The following SIX1 variants were observed in gnomAD, a reference collection of about 807,000 sequenced individuals.
SIX1 encodes the protein homeobox protein SIX1.
A neutral mutation model predicts 26.5 loss-of-function variants in SIX1; 11 were observed. That is an observed-to-expected ratio of 0.41 (90% confidence interval 0.26 to 0.69). The LOEUF (loss-of-function observed/expected upper bound fraction) is 0.69, where lower values mean the gene tolerates loss of function less well. SIX1 is among the 30% of genes least tolerant of loss of function. The pLI is 0.28. For synonymous variants in SIX1, 177 were observed against 166.2 expected (o/e 1.06, Z -0.50); for missense variants, 333 against 365.9 (o/e 0.91, Z 0.73).
chr14:60,649,388 A>G lies in SIX1; in HGVS notation c.-199T>C, dbSNP rs1015170875. ...GGCGGAGGAGTAGGGGAGGTTCTGG[A>G]CACGGAACGGCCGGCGCACTCAGTA... On this transcript the variant is annotated 5_prime_UTR_variant, in exon 1 of 2. Coordinates refer to ENST00000645694, the MANE Select transcript of SIX1 (RefSeq NM_005982.4). The surrounding 1 kb of genome is among the most constrained non-coding windows in gnomAD (Gnocchi z 5.1). 1.7e-6 allele frequency: 1 copy of G among 584,800 alleles called. No homozygotes were observed. Among genetic ancestry groups the G allele is most frequent in the African/African-American group, 1.9e-5 (1 of 52,852 alleles). The allele number at this position is 584,800 out of a possible 1,614,324, so 36.2% of individuals were successfully genotyped here.
rs76366219 is a variant in SIX1, at chr14:60,646,721, G to A, written c.561-144C>T. Reference sequence around the variant, plus strand: ...ATCTGTCACCAACCCAAATGGAGGAGCTCTACCCTTCCACCCATCCCCAAG... The same window carrying A: ...ATCTGTCACCAACCCAAATGGAGGAACTCTACCCTTCCACCCATCCCCAAG... On this transcript the variant is annotated intron_variant, in intron 1 of 1. Coordinates refer to ENST00000645694, the MANE Select transcript of SIX1 (RefSeq NM_005982.4). 354 of 732,680 alleles carry A rather than the reference G, an allele frequency of 4.8e-4. No homozygotes were observed. In the African/African-American group the frequency reaches 5.6e-3, roughly 12 times the overall value. The allele number at this position is 732,680 out of a possible 1,614,324, so 45.4% of individuals were successfully genotyped here.
Position 60,648,740 on chromosome 14 carries a change from C to G in SIX1, c.450G>C (p.Ser150=). The change falls in exon 1 of 2, where the codon TCG becomes TCC. Residue 150 remains serine, a synonymous_variant. Coordinates refer to ENST00000645694, the MANE Select transcript of SIX1 (RefSeq NM_005982.4). This position sits in a 1 kb window ranked among gnomAD's most constrained non-coding sequence, Gnocchi z 7.9. Reference sequence around the variant, plus strand: ...CGGCCAGCTCCCGCTTCTCACGCGGCGATGGGTAGGGATTGTGCGCGTACC... The same window carrying G: ...CGGCCAGCTCCCGCTTCTCACGCGGGGATGGGTAGGGATTGTGCGCGTACC... ...REWYAHNPYP[S]PREKRELAEA... 2 of 1,613,510 alleles carry G rather than the reference C, an allele frequency of 1.2e-6. No homozygotes were observed. Among genetic ancestry groups the G allele is most frequent in the Non-Finnish European group, 1.7e-6 (2 of 1,179,510 alleles).
Position 60,645,844 on chromosome 14 carries a change from T to C in SIX1, c.*439A>G, listed in dbSNP as rs1894928955. 6.5e-6 allele frequency: 1 copy of C among 153,392 alleles called. No homozygotes were observed. Among genetic ancestry groups the C allele is most frequent in the Non-Finnish European group, 1.4e-5 (1 of 68,988 alleles). The allele number at this position is 153,392 out of a possible 1,614,324, so 9.5% of individuals were successfully genotyped here. A position where few individuals can be genotyped will look rare whatever the true frequency, so the allele number is the denominator to read the frequency against. ...CTATTTTTATCTCCCTTTCTCTTTCTCTTTCCATTTCCTTTCCCTCTTCAC... is the reference window on the plus strand; with the variant it reads ...CTATTTTTATCTCCCTTTCTCTTTCCCTTTCCATTTCCTTTCCCTCTTCAC... On this transcript the variant is annotated 3_prime_UTR_variant, in exon 2 of 2. Transcript: ENST00000645694. This position sits in a 1 kb window ranked among gnomAD's most constrained non-coding sequence, Gnocchi z 4.6.
In SIX1 at chr14:60,644,321, C is replaced by A. The variant is rs2140238226; in HGVS notation, c.*1962G>T. On this transcript the variant is annotated 3_prime_UTR_variant, in exon 2 of 2. Transcript: ENST00000645694. ...CTTAAATAAACACCGACTTAATGAT[C>A]CAAAACACTAACAAGGGAGATTGGG... The A allele has an allele frequency of 6.6e-6, 1 of 152,218 alleles. No homozygotes were observed. 9.4% of individuals were successfully genotyped at this position (152,218 alleles called of 1,614,324 possible). A position where few individuals can be genotyped will look rare whatever the true frequency, so the allele number is the denominator to read the frequency against.
chr14:60,648,773 C>T lies in SIX1; in HGVS notation c.417G>A (p.Leu139=). 6.2e-7 allele frequency: 1 copy of T among 1,614,166 alleles called. No homozygotes were observed. Among genetic ancestry groups the T allele is most frequent in the Non-Finnish European group, 8.5e-7 (1 of 1,179,992 alleles). ...YCFKEKSRGV[L]REWYAHNPYP... The stretch of plus-strand genomic sequence containing the variant: ...AGGGATTGTGCGCGTACCACTCCCG[C>T]AGGACACCCCTCGACTTCTCCTTGA... The change falls in exon 1 of 2, where the codon CTG becomes CTA. Residue 139 remains leucine (L), a synonymous_variant. Transcript: ENST00000645694. This position sits in a 1 kb window ranked among gnomAD's most constrained non-coding sequence, Gnocchi z 7.9.
rs1179707997 is a variant in SIX1, at chr14:60,645,494, T to C, written c.*789A>G. 6.9e-6 allele frequency: 1 copy of C among 145,162 alleles called. No homozygotes were observed. The highest frequency in any genetic ancestry group is 2.5e-5 in the African/African-American group (1 of 39,420). 9.0% of individuals were successfully genotyped at this position (145,162 alleles called of 1,614,324 possible). The stretch of plus-strand genomic sequence containing the variant: ...TCAGGAAAGTGTTTTTTCACATTGG[T>C]ACATTTTTAGAGTTTGTCATTTAAA... On this transcript the variant is annotated 3_prime_UTR_variant, in exon 2 of 2. Coordinates refer to ENST00000645694, the MANE Select transcript of SIX1 (RefSeq NM_005982.4). This position sits in a 1 kb window ranked among gnomAD's most constrained non-coding sequence, Gnocchi z 4.6.
chr14:60,646,669 C>G, intron 1 of SIX1, 92 bp from the exon 2 acceptor site: 1 of 1,114,456 alleles, frequency 9.0e-7, no homozygotes, highest in Non-Finnish European at 1.3e-6. Context: ...GGGAGGGGAG[C>G]TGGAAGGAGG....
rs915153531 is a variant in SIX1 at position 60,645,270 on chromosome 14, T to G, written c.*1013A>C. On this transcript the variant is annotated 3_prime_UTR_variant, in exon 2 of 2. Transcript: ENST00000645694. The surrounding 1 kb of genome is among the most constrained non-coding windows in gnomAD (Gnocchi z 4.6). ...CCTTTCAGAAACAGAATCATACTCCTGGTGTTCTACTAAGTTTTAATTTAG... is the reference window on the plus strand; with the variant it reads ...CCTTTCAGAAACAGAATCATACTCCGGGTGTTCTACTAAGTTTTAATTTAG... 1 of 151,910 alleles carries G rather than the reference T, an allele frequency of 6.6e-6. No homozygotes were observed. Among genetic ancestry groups the G allele is most frequent in the Non-Finnish European group, 1.5e-5 (1 of 67,946 alleles). The allele number at this position is 151,910 out of a possible 1,614,324, so 9.4% of individuals were successfully genotyped here.
rs1458693459 is a variant in SIX1 at position 60,645,637 on chromosome 14, T to C, written c.*646A>G. ...CTCACATAGAGAGCATTAAGACATTTAGGCACTTGTTTTTTCCTCCTAATA... is the reference window on the plus strand; with the variant it reads ...CTCACATAGAGAGCATTAAGACATTCAGGCACTTGTTTTTTCCTCCTAATA... On this transcript the variant is annotated 3_prime_UTR_variant, in exon 2 of 2. Coordinates refer to ENST00000645694, the MANE Select transcript of SIX1 (RefSeq NM_005982.4). The surrounding 1 kb of genome is among the most constrained non-coding windows in gnomAD (Gnocchi z 4.6). The C allele has an allele frequency of 6.6e-6, 1 of 152,214 alleles. No homozygotes were observed. The allele number at this position is 152,214 out of a possible 1,614,324, so 9.4% of individuals were successfully genotyped here. A position where few individuals can be genotyped will look rare whatever the true frequency, so the allele number is the denominator to read the frequency against.
rs1320620604 is a variant in SIX1, at chr14:60,645,239, C to CA, written c.*1043dup. 3 of 151,516 alleles carry CA rather than the reference C, an allele frequency of 2.0e-5. No homozygotes were observed. The highest frequency in any genetic ancestry group is 4.4e-5 in the Non-Finnish European group (3 of 67,902). 9.4% of individuals were successfully genotyped at this position (151,516 alleles called of 1,614,324 possible). A position where few individuals can be genotyped will look rare whatever the true frequency, so the allele number is the denominator to read the frequency against. ...ATAGGGCCCAATGACAGCAATACAC[C>CA]ACTCACCTTTCAGAAACAGAATCAT... On this transcript the variant is annotated 3_prime_UTR_variant, in exon 2 of 2. Transcript: ENST00000645694. This position sits in a 1 kb window ranked among gnomAD's most constrained non-coding sequence, Gnocchi z 4.6.
rs1245175426 is a variant in SIX1 at position 60,649,306 on chromosome 14, C to T, written c.-117G>A. 2.2e-6 allele frequency: 2 copies of T among 905,238 alleles called. No homozygotes were observed. Among genetic ancestry groups the T allele is most frequent in the Non-Finnish European group, 3.3e-6 (2 of 602,664 alleles). 56.1% of individuals were successfully genotyped at this position (905,238 alleles called of 1,614,324 possible). ...GGCTGTTCCTAACCTCCTCCTTAGG[C>T]TTTGCAAAGGCGAAAACCGGAGTCG... is the stretch of plus-strand genomic sequence containing the variant. On this transcript the variant is annotated 5_prime_UTR_variant, in exon 1 of 2. Coordinates refer to ENST00000645694, the MANE Select transcript of SIX1 (RefSeq NM_005982.4). The surrounding 1 kb of genome is among the most constrained non-coding windows in gnomAD (Gnocchi z 5.1).
At position 60,643,425 on chromosome 14, in the gene SIX1, T is replaced by TTG. The variant is rs980830051; in HGVS notation, c.*2857_*2858insCA. The stretch of plus-strand genomic sequence containing the variant: ...AAAATAAACATCACTCGAGTGTTTT[T>TTG]TTTTTTTTTCATTTCACTTGGCACA... On this transcript the variant is annotated 3_prime_UTR_variant, in exon 2 of 2. Transcript: ENST00000645694. The TTG allele has an allele frequency of 2.0e-5, 3 of 151,472 alleles. No homozygotes were observed. Among genetic ancestry groups the TTG allele is most frequent in the African/African-American group, 7.3e-5 (3 of 41,216 alleles). 9.4% of individuals were successfully genotyped at this position (151,472 alleles called of 1,614,324 possible). A position where few individuals can be genotyped will look rare whatever the true frequency, so the allele number is the denominator to read the frequency against.
At position 60,649,395 on chromosome 14, in the gene SIX1, A is replaced by C. The variant is rs1895020676; in HGVS notation, c.-206T>G. 3.5e-6 allele frequency: 2 copies of C among 577,516 alleles called. No individual in the cohort carries two copies. Among genetic ancestry groups the C allele is most frequent in the African/African-American group, 3.8e-5 (2 of 52,488 alleles). 35.8% of individuals were successfully genotyped at this position (577,516 alleles called of 1,614,324 possible). On this transcript the variant is annotated 5_prime_UTR_variant, in exon 1 of 2. Transcript: ENST00000645694. This position sits in a 1 kb window ranked among gnomAD's most constrained non-coding sequence, Gnocchi z 5.1. Reference sequence around the variant, plus strand: ...GAGTAGGGGAGGTTCTGGACACGGAACGGCCGGCGCACTCAGTAGCCTTTA... The same window carrying C: ...GAGTAGGGGAGGTTCTGGACACGGACCGGCCGGCGCACTCAGTAGCCTTTA...
Position 60,648,600 on chromosome 14 carries a change from C to T in SIX1, c.560+30G>A, listed in dbSNP as rs779883227. Reference sequence around the variant, plus strand: ...AGGAGAAAGGACGGCTTCCTAGGGTCGCCCGAGTCGCGGGAAGCACGCCGC... The same window carrying T: ...AGGAGAAAGGACGGCTTCCTAGGGTTGCCCGAGTCGCGGGAAGCACGCCGC... On this transcript the variant is annotated intron_variant, in intron 1 of 1. Coordinates refer to ENST00000645694, the MANE Select transcript of SIX1 (RefSeq NM_005982.4). This position sits in a 1 kb window ranked among gnomAD's most constrained non-coding sequence, Gnocchi z 7.9. 1.3e-6 allele frequency: 2 copies of T among 1,584,640 alleles called. No homozygotes were observed. Among genetic ancestry groups the T allele is most frequent in the Non-Finnish European group, 8.6e-7 (1 of 1,164,444 alleles).
rs993212930 is a variant in SIX1, at chr14:60,648,398, C to G, written c.560+232G>C. On this transcript the variant is annotated intron_variant, in intron 1 of 1. Coordinates refer to ENST00000645694, the MANE Select transcript of SIX1 (RefSeq NM_005982.4). This position sits in a 1 kb window ranked among gnomAD's most constrained non-coding sequence, Gnocchi z 7.9. ...CCAATATTTCCCGACACTCACATCC[C>G]AGAGAAACCCACGCGCGGGTGCTCA... 3.9e-5 allele frequency among the ~76,000 whole-genome samples: 6 copies of G among 152,198 alleles called. No homozygotes were observed. Among genetic ancestry groups the G allele is most frequent in the Non-Finnish European group, 7.3e-5 (5 of 68,030 alleles).
rs1379408797 is a variant in SIX1 at position 60,645,479 on chromosome 14, G to A, written c.*804C>T. On this transcript the variant is annotated 3_prime_UTR_variant, in exon 2 of 2. Transcript: ENST00000645694. This position sits in a 1 kb window ranked among gnomAD's most constrained non-coding sequence, Gnocchi z 4.6. ...CATGAGTAATGGCATTCAGGAAAGT[G>A]TTTTTTCACATTGGTACATTTTTAG... 25 of 150,276 alleles carry A rather than the reference G, an allele frequency of 1.7e-4. No individual in the cohort carries two copies. The highest frequency in any genetic ancestry group is 1.7e-3 in the Admixed American group (25 of 15,044). The allele number at this position is 150,276 out of a possible 1,614,324, so 9.3% of individuals were successfully genotyped here.
rs1258561549 is a variant in SIX1 at position 60,649,244 on chromosome 14, G to T, written c.-55C>A. On this transcript the variant is annotated 5_prime_UTR_variant, in exon 1 of 2. Transcript: ENST00000645694. This position sits in a 1 kb window ranked among gnomAD's most constrained non-coding sequence, Gnocchi z 5.1. ...GGCGCACGCGGCAGGGAGCAGAGCC[G>T]AGAGGCAGGGGGCGGCGGCCGCAGG... 6.5e-7 allele frequency: 1 copy of T among 1,537,382 alleles called. No individual in the cohort carries two copies. Among genetic ancestry groups the T allele is most frequent in the Non-Finnish European group, 8.8e-7 (1 of 1,134,312 alleles).
chr14:60,644,098 T>C lies in SIX1; in HGVS notation c.*2185A>G, dbSNP rs1475751614. ...GACGGCATGTAAGAAATTAAAGTAA[T>C]TGGCCCTTCCTATTTTCCAGAGAGA... On this transcript the variant is annotated 3_prime_UTR_variant, in exon 2 of 2. Coordinates refer to ENST00000645694, the MANE Select transcript of SIX1 (RefSeq NM_005982.4). 1 of 152,160 alleles carries C rather than the reference T, an allele frequency of 6.6e-6. No individual in the cohort carries two copies. The highest frequency in any genetic ancestry group is 2.4e-5 in the African/African-American group (1 of 41,420). The allele number at this position is 152,160 out of a possible 1,614,324, so 9.4% of individuals were successfully genotyped here. A position where few individuals can be genotyped will look rare whatever the true frequency, so the allele number is the denominator to read the frequency against.
rs373673863 is a variant in SIX1, at chr14:60,646,221, T to C, written c.*62A>G. 2 of 1,503,002 alleles carry C rather than the reference T, an allele frequency of 1.3e-6. No individual in the cohort carries two copies. The highest frequency in any genetic ancestry group is 2.3e-5 in the East Asian group (1 of 44,022). 93.1% of individuals were successfully genotyped at this position (1,503,002 alleles called of 1,614,324 possible). Reference sequence around the variant, plus strand: ...TGTTCCTGATTTCTATTTACAAGTGTCCCTAGTCGCTGCAGTGGTTGCTGC... The same window carrying C: ...TGTTCCTGATTTCTATTTACAAGTGCCCCTAGTCGCTGCAGTGGTTGCTGC... On this transcript the variant is annotated 3_prime_UTR_variant, in exon 2 of 2. Transcript: ENST00000645694.
Sources: allele counts gnomAD v4.1 joint callset (sites outside exome capture counted in the v4.1 genomes callset), GRCh38; gene constraint gnomAD v4.1.1; non-coding constraint Gnocchi (gnomAD v3.1); transcripts MANE v1.5; gene names NCBI Gene and HGNC (gene_info 2026-07-23, HGNC 2026-07-21).